The following GHR variants were observed in gnomAD, a reference collection of about 807,000 sequenced individuals.
GHR encodes the protein growth hormone receptor, also known as GH receptor.
Under a neutral mutation model 67.1 loss-of-function variants are expected in GHR, and 35 were observed. That is an observed-to-expected ratio of 0.52 (90% CI 0.40 to 0.69). GHR has a LOEUF of 0.69. Among genes scored for constraint, GHR ranks in the 30% least tolerant of loss-of-function variants. GHR has a pLI of 0.00. For synonymous variants in GHR, 272 were observed against 269.1 expected (o/e 1.01, Z -0.10); for missense variants, 792 against 764.6 (o/e 1.04, Z -0.42).
chr5:42,622,285 A>G (rs1753486369), intron 2 of GHR, among the ~76,000 whole-genome samples: 1 of 152,218 alleles, frequency 6.6e-6, no homozygotes, highest in Non-Finnish European at 1.5e-5. Context: ...TGACATTGAG[A>G]TCAATCAATC....
At chr5:42,625,832 A>G (rs1400598499) in intron 2 of GHR, among the ~76,000 whole-genome samples, 1 of 151,792 alleles carries the variant, frequency 6.6e-6, no homozygotes, top group African/African-American at 2.4e-5. Context: ...GAAGGAAAAC[A>G]AAGGGGGAAG....
chr5:42,458,141 A>G (rs770823227), intron 1 of GHR, among the ~76,000 whole-genome samples: 6 of 152,182 alleles, frequency 3.9e-5, no homozygotes, highest in Non-Finnish European at 7.3e-5. Flanking sequence ...AATCCCATTA[A>G]AGGTTTTTAG....
At chr5:42,467,346 A>C in intron 1 of GHR, 6 of 1,030,034 alleles carry the variant, frequency 5.8e-6, no homozygotes, top group Non-Finnish European at 9.2e-6. Context: ...TAAGATTTGC[A>C]ATCTGCGTAA....
At chr5:42,649,381 A>G (rs1318816362) in intron 3 of GHR, among the ~76,000 whole-genome samples, 1 of 152,220 alleles carries the variant, frequency 6.6e-6, no homozygotes, top group Non-Finnish European at 1.5e-5. Context: ...GAATTTTATA[A>G]ATGGAATACA....
intron 1 of GHR, among the ~76,000 whole-genome samples, chr5:42,561,259 T>C (rs996482413): frequency 6.6e-6 from 1 of 152,224 alleles, no homozygotes; most frequent in African/African-American, 2.4e-5. Flanking sequence ...TGACCTTCTA[T>C]TTTCGGGTAT....
chr5:42,602,164 A>G (rs1012294159), intron 2 of GHR, among the ~76,000 whole-genome samples: 3 of 152,148 alleles, frequency 2.0e-5, no homozygotes, highest in Non-Finnish European at 4.4e-5. Context: ...TTTTGCGTGT[A>G]TGTGTGTGGT....
At chr5:42,612,416 G>C (rs145263316) in intron 2 of GHR, among the ~76,000 whole-genome samples, 44 of 152,206 alleles carry the variant, frequency 2.9e-4, no homozygotes, top group African/African-American at 1.0e-3. Context: ...TGGCTGAATA[G>C]TAAACAATTA....
intron 9 of GHR, 112 bp downstream of exon 9, chr5:42,718,233 G>T (rs4866793): frequency 1.4e-6 from 1 of 734,902 alleles, no homozygotes; most frequent in African/African-American, 1.8e-5. Flanking sequence ...ATTTTCTTGT[G>T]TCTCTTCTCC....
intron 1 of GHR, among the ~76,000 whole-genome samples, chr5:42,481,459 C>G (rs920974122): frequency 6.6e-6 from 1 of 152,202 alleles, no homozygotes; most frequent in Non-Finnish European, 1.5e-5. Flanking sequence ...GGGAAGTTCA[C>G]CTGGATAATA....
intron 1 of GHR, among the ~76,000 whole-genome samples, chr5:42,473,603 G>A (rs940413255): frequency 2.6e-5 from 4 of 152,190 alleles, no homozygotes; most frequent in African/African-American, 9.7e-5. Flanking sequence ...TGTTGGCCGG[G>A]CGCAGTGGAT....
chr5:42,682,340 A>G (rs1465493543), intron 3 of GHR, among the ~76,000 whole-genome samples: 1 of 152,216 alleles, frequency 6.6e-6, no homozygotes, highest in Non-Finnish European at 1.5e-5. Context: ...AATCATAAGA[A>G]AGCAAGAAAT....
chr5:42,704,422 T>C (rs1579645506), intron 6 of GHR, among the ~76,000 whole-genome samples: 1 of 152,142 alleles, frequency 6.6e-6, no homozygotes, highest in South Asian at 2.1e-4. Context: ...TCATGGAGAA[T>C]GTTCCTTTTA....
At chr5:42,697,323 G>T (rs1194598157) in intron 5 of GHR, among the ~76,000 whole-genome samples, 1 of 152,212 alleles carries the variant, frequency 6.6e-6, no homozygotes, top group East Asian at 1.9e-4. Context: ...GCCAGTCAAT[G>T]TTCTCCATGC....
At chr5:42,461,853 C>A (rs1484897345) in intron 1 of GHR, among the ~76,000 whole-genome samples, 1 of 152,218 alleles carries the variant, frequency 6.6e-6, no homozygotes, top group Non-Finnish European at 1.5e-5. Context: ...AAGCCAGCTT[C>A]TAGCAGGACA....
intron 3 of GHR, among the ~76,000 whole-genome samples, chr5:42,658,857 G>A (rs1755403812): frequency 6.6e-6 from 1 of 152,166 alleles, no homozygotes; most frequent in African/African-American, 2.4e-5. Flanking sequence ...AGCCTAGGGA[G>A]TCCATTACTT....
chr5:42,527,025 ATGT>A (rs35508128), intron 1 of GHR, among the ~76,000 whole-genome samples: 68,565 of 151,714 alleles, frequency 0.45, 15,880 homozygotes, highest in Middle Eastern at 0.51. Flanking sequence ...AGAGAAGCAA[ATGT>A]TGTGGGAGTT....
At chr5:42,524,705 G>A (rs1747629059) in intron 1 of GHR, among the ~76,000 whole-genome samples, 1 of 152,144 alleles carries the variant, frequency 6.6e-6, no homozygotes, top group Admixed American at 6.5e-5. Flanking sequence ...CAGACCCAGA[G>A]GCCCAGGAGG....
intron 1 of GHR, among the ~76,000 whole-genome samples, chr5:42,517,699 A>G (rs1218869202): frequency 6.6e-6 from 1 of 152,050 alleles, no homozygotes; most frequent in Admixed American, 6.6e-5. Context: ...TCTAAATCTT[A>G]TTGTATTGAA....
chr5:42,688,598 T>C (rs548373755), intron 3 of GHR, among the ~76,000 whole-genome samples: 66 of 152,188 alleles, frequency 4.3e-4, no homozygotes, highest in African/African-American at 9.6e-4. Flanking sequence ...GAACTACCTA[T>C]ATCCAAATCC....
Sources: gnomAD v4.1 joint callset for allele counts (sites outside exome capture counted in the v4.1 genomes callset) on GRCh38, gnomAD v4.1.1 for gene constraint, MANE v1.5 for transcripts, NCBI Gene and HGNC (gene_info 2026-07-23, HGNC 2026-07-21) for gene names.